The following ATG4B variants were observed in gnomAD, a reference collection of about 807,000 sequenced individuals.
ATG4B encodes cysteine protease ATG4B.
In ATG4B, 29 loss-of-function variants were observed where a neutral mutation model predicts 56.6. The observed-to-expected ratio is 0.51, with a 90% CI of 0.38 to 0.70. ATG4B has a LOEUF of 0.70. Among genes scored for constraint, ATG4B ranks in the 30% least tolerant of loss-of-function variants. ATG4B has a pLI of 0.00. For missense variants in ATG4B, 461 were observed against 515.5 expected, an observed-to-expected ratio of 0.89 and a Z score of 1.02; for synonymous variants, 224 against 206.1, an observed-to-expected ratio of 1.09 and a Z score of -0.74.
chr2:241,661,660 G>A (rs779188129), intron 7 of ATG4B, among the ~76,000 whole-genome samples: 1 of 152,202 alleles, frequency 6.6e-6, no homozygotes, highest in Non-Finnish European at 1.5e-5. Flanking sequence ...CAGCGAAAGA[G>A]CTGCCTGACG....
chr2:241,653,813 C>T (rs1018336512), intron 4 of ATG4B, among the ~76,000 whole-genome samples: 6 of 151,928 alleles, frequency 3.9e-5, no homozygotes, highest in Non-Finnish European at 7.4e-5. Flanking sequence ...GGCAACATGG[C>T]GAGACCCCGT....
chr2:241,639,883 A>G (rs892688996), intron 1 of ATG4B, among the ~76,000 whole-genome samples: 7 of 152,248 alleles, frequency 4.6e-5, no homozygotes, highest in African/African-American at 1.7e-4. Context: ...AAAGCGCACC[A>G]AACAGGAAGA....
At chr2:241,659,368 C>T (rs745974997) in intron 7 of ATG4B, 181 bp downstream of exon 7, 121 of 678,992 alleles carry the variant, frequency 1.8e-4, no homozygotes, top group Non-Finnish European at 1.8e-4. Context: ...CCTATCCCGG[C>T]GGTCATACCA....
intron 6 of ATG4B, among the ~76,000 whole-genome samples, chr2:241,658,651 T>C (rs2068491778): frequency 6.6e-6 from 1 of 151,878 alleles, no homozygotes; most frequent in African/African-American, 2.4e-5. Flanking sequence ...TGCTTCCCAC[T>C]AAGCTGCAGA....
chr2:241,663,871 A>G (rs1445771736), intron 7 of ATG4B, among the ~76,000 whole-genome samples: 1 of 150,252 alleles, frequency 6.7e-6, no homozygotes, highest in Non-Finnish European at 1.5e-5. Context: ...CAGTGGTGGC[A>G]CGATCTTGGC....
Position 241,673,492 on chromosome 2 carries a change from C to T in ATG4B, c.*1228C>T, listed in dbSNP as rs539115913. The T allele has an allele frequency of 2.2e-5, 9 of 406,320 alleles. No homozygotes were observed. The highest frequency in any genetic ancestry group is 1.0e-4 in the African/African-American group (5 of 48,462). 25.2% of individuals were successfully genotyped at this position (406,320 alleles called of 1,614,324 possible). ...GCTGCTGCTTGTGTAGGTCGGGGAG[C>T]CAGAGATCCCCGAGGACGCGCGCCG... On this transcript the variant is annotated 3_prime_UTR_variant, in exon 13 of 13. Transcript: ENST00000404914.
chr2:241,647,111 C>T (rs1464641426), intron 1 of ATG4B, among the ~76,000 whole-genome samples: 1 of 151,986 alleles, frequency 6.6e-6, no homozygotes, highest in Non-Finnish European at 1.5e-5. Context: ...TAAGTATTTT[C>T]AATTTACAAT....
chr2:241,671,438 G>A (rs201689172), intron 12 of ATG4B, 33 bp downstream of exon 12: 29 of 1,609,660 alleles, frequency 1.8e-5, no homozygotes, highest in Admixed American at 8.4e-5. Context: ...GGGGTCCCTC[G>A]GAGGTACGAT....
chr2:241,666,301 C>T (rs1173949996), intron 7 of ATG4B, among the ~76,000 whole-genome samples: 1 of 152,240 alleles, frequency 6.6e-6, no homozygotes, highest in Non-Finnish European at 1.5e-5. Flanking sequence ...GGAGCGGGTT[C>T]TGGCTGTGCT....
Position 241,666,753 on chromosome 2 carries a change from C to G in ATG4B, c.647C>G (p.Pro216Arg), listed in dbSNP as rs749191852. The part of the protein sequence containing the change: ...FPAGAEVTNR[P>R]SPWRPLVLLI... ...GCCGGAGCTGAGGTCACCAACAGGC[C>G]GTCGCCATGGAGACCCCTGGTACTT... Residue 216 changes from proline (P) to arginine (R), a missense_variant, in exon 8 of 13, where the codon CCG becomes CGG. Coordinates refer to ENST00000404914, the MANE Select transcript of ATG4B (RefSeq NM_013325.5). The G allele has an allele frequency of 8.7e-6, 14 of 1,605,940 alleles. No homozygotes were observed. In the South Asian group the frequency reaches 1.4e-4, roughly 17 times the overall value.
intron 5 of ATG4B, chr2:241,654,951 G>T: frequency 1.7e-6 from 1 of 571,632 alleles, no homozygotes; most frequent in Non-Finnish European, 3.1e-6. Context: ...GAATCTGAAT[G>T]CTCAGATTGA....
At chr2:241,659,025 CCT>C in intron 6 of ATG4B, 81 bp from the exon 7 acceptor site, 1 of 1,086,236 alleles carries the variant, frequency 9.2e-7, no homozygotes, top group South Asian at 1.6e-5. Flanking sequence ...TAACGCGAAC[CCT>C]CCTTCGCGCA....
At chr2:241,654,204 C>T (rs1357987685) in intron 4 of ATG4B, among the ~76,000 whole-genome samples, 2 of 151,834 alleles carry the variant, frequency 1.3e-5, no homozygotes, top group African/African-American at 2.4e-5. Context: ...GGGTGGGTCA[C>T]GAGGTCAGGA....
intron 7 of ATG4B, among the ~76,000 whole-genome samples, chr2:241,660,801 C>G (rs182891731): frequency 6.6e-6 from 1 of 152,322 alleles, no homozygotes; most frequent in East Asian, 1.9e-4. Context: ...TCCCTGTTCA[C>G]TGCCCCATCC....
At chr2:241,643,952 A>T (rs1477166241) in intron 1 of ATG4B, among the ~76,000 whole-genome samples, 1 of 152,202 alleles carries the variant, frequency 6.6e-6, no homozygotes, top group Non-Finnish European at 1.5e-5. Context: ...CGGGAAGATG[A>T]TGAAATTATG....
intron 5 of ATG4B, chr2:241,655,000 C>G: frequency 1.7e-6 from 1 of 577,136 alleles, no homozygotes; most frequent in Non-Finnish European, 3.1e-6. Context: ...TTCTTGCAAG[C>G]AAGGCCGGCT....
chr2:241,671,590 A>G, intron 12 of ATG4B, 185 bp downstream of exon 12: 2 of 1,518,730 alleles, frequency 1.3e-6, no homozygotes, highest in East Asian at 2.5e-5. Context: ...GCTTGCGCCC[A>G]GCAGCCCAGG....
chr2:241,655,339 C>T lies in ATG4B; in HGVS notation c.454C>T (p.Leu152=). Reference sequence around the variant, plus strand: ...CGGGCCCAACACTGTCGCCCAGGTCCTGAAGTATGTACTGCGCTTCCACTG... The same window carrying T: ...CGGGCCCAACACTGTCGCCCAGGTCTTGAAGTATGTACTGCGCTTCCACTG... ...WYGPNTVAQV[L]KKLAVFDTWS... Residue 152 remains leucine, a synonymous_variant, in exon 6 of 13, where the codon CTG becomes TTG. Transcript: ENST00000404914. 2 of 1,608,328 alleles carry T rather than the reference C, an allele frequency of 1.2e-6. No individual in the cohort carries two copies. Among genetic ancestry groups the T allele is most frequent in the Non-Finnish European group, 1.7e-6 (2 of 1,177,358 alleles).
chr2:241,651,990 G>A lies in ATG4B; in HGVS notation c.184+655G>A. On this transcript the variant is annotated intron_variant, in intron 3 of 12. Transcript: ENST00000404914. This position sits in a 1 kb window ranked among gnomAD's most constrained non-coding sequence, Gnocchi z 4.1. ...GAGGCCGGAGGTGAGGGCCGGGCTG[G>A]CGTCATGCTTCCTCAGTGCCAGGTC... 1 of 1,303,146 alleles carries A rather than the reference G, an allele frequency of 7.7e-7. No individual in the cohort carries two copies. The highest frequency in any genetic ancestry group is 1.0e-6 in the Non-Finnish European group (1 of 988,154). The allele number at this position is 1,303,146 out of a possible 1,614,324, so 80.7% of individuals were successfully genotyped here.
Sources: gnomAD v4.1 joint callset for allele counts (sites outside exome capture counted in the v4.1 genomes callset) on GRCh38, gnomAD v4.1.1 for gene constraint, Gnocchi (gnomAD v3.1) non-coding constraint, MANE v1.5 for transcripts, NCBI Gene and HGNC (gene_info 2026-07-23, HGNC 2026-07-21) for gene names.